The following EFNA5 variants were observed in gnomAD, a reference collection of about 807,000 sequenced individuals.
EFNA5 encodes the protein ephrin-A5.
In EFNA5, 5 loss-of-function variants were observed where a neutral mutation model predicts 22.9. That is an observed-to-expected ratio of 0.22 (90% CI 0.11 to 0.46). EFNA5 has a LOEUF of 0.46. EFNA5 is among the 20% of genes least tolerant of loss of function. The probability of loss-of-function intolerance (pLI) is 0.99; values close to 1 mark genes in which losing one functional copy is unlikely to be tolerated. For synonymous variants in EFNA5, 113 were observed against 112.2 expected, an observed-to-expected ratio of 1.01 and a Z score of -0.04; for missense variants, 237 against 293.3, an observed-to-expected ratio of 0.81 and a Z score of 1.40.
intron 1 of EFNA5, among the ~76,000 whole-genome samples, chr5:107,525,459 T>TA (rs1747675709): frequency 6.6e-6 from 1 of 152,196 alleles, no homozygotes; most frequent in African/African-American, 2.4e-5. Flanking sequence ...AATCCATGTA[T>TA]AACTTCTGAT....
intron 2 of EFNA5, among the ~76,000 whole-genome samples, chr5:107,420,044 A>C (rs546523450): frequency 1.3e-5 from 2 of 152,282 alleles, no homozygotes; most frequent in South Asian, 4.1e-4. Context: ...TATGTAAAAA[A>C]GGTGATTGGT....
intron 1 of EFNA5, among the ~76,000 whole-genome samples, chr5:107,486,344 G>A (rs910168815): frequency 2.6e-5 from 4 of 152,090 alleles, no homozygotes; most frequent in Non-Finnish European, 5.9e-5. Context: ...AACTTTAAAA[G>A]CTAAAAGATA....
chr5:107,549,051 G>T (rs1748230294), intron 1 of EFNA5, among the ~76,000 whole-genome samples: 2 of 152,076 alleles, frequency 1.3e-5, no homozygotes, highest in Admixed American at 1.3e-4. Flanking sequence ...TTACTTTGCA[G>T]GCTGGATATT....
intron 1 of EFNA5, among the ~76,000 whole-genome samples, chr5:107,527,234 A>T (rs537114351): frequency 6.6e-6 from 1 of 152,176 alleles, no homozygotes; most frequent in Admixed American, 6.5e-5. Flanking sequence ...TAGATGTATA[A>T]ATGGGTTATT....
At chr5:107,573,801 T>C (rs1202264306) in intron 1 of EFNA5, among the ~76,000 whole-genome samples, 39 of 152,170 alleles carry the variant, frequency 2.6e-4, no homozygotes, top group Admixed American at 2.6e-3. Flanking sequence ...GGAACAGTTT[T>C]AGAACGAACA....
rs148596902 is a variant in EFNA5, at chr5:107,553,248, C to T, written c.125+117241G>A. Among the ~76,000 whole-genome samples, 115 of 152,316 alleles carry T rather than the reference C, an allele frequency of 7.6e-4. 1 individual carries two copies. The East Asian group carries it at 0.016, about 22-fold the overall frequency. The stretch of plus-strand genomic sequence containing the variant: ...GCAGCGGCCATGACTAACAATGGGA[C>T]GAGCACTCACTGCCTGCTCTGCAAT... On this transcript the variant is annotated intron_variant, in intron 1 of 4. Transcript: ENST00000333274.
chr5:107,615,283 C>T (rs1272996776), intron 1 of EFNA5, among the ~76,000 whole-genome samples: 1 of 152,072 alleles, frequency 6.6e-6, no homozygotes, highest in African/African-American at 2.4e-5. Flanking sequence ...TTTATCATTT[C>T]GATATCCCCT....
At chr5:107,616,180 T>C (rs1225574121) in intron 1 of EFNA5, among the ~76,000 whole-genome samples, 1 of 152,244 alleles carries the variant, frequency 6.6e-6, no homozygotes, top group East Asian at 1.9e-4. Context: ...AAGCGAATTA[T>C]AAGATTTTAT....
intron 1 of EFNA5, among the ~76,000 whole-genome samples, chr5:107,594,814 C>G (rs1312981652): frequency 6.6e-6 from 1 of 152,130 alleles, no homozygotes; most frequent in East Asian, 1.9e-4. Flanking sequence ...ATTACAACAC[C>G]CAGGAATGAA....
At chr5:107,489,663 C>CA (rs566107709) in intron 1 of EFNA5, among the ~76,000 whole-genome samples, 3 of 146,148 alleles carry the variant, frequency 2.1e-5, no homozygotes, top group Non-Finnish European at 3.0e-5. Context: ...CCCACCTACC[C>CA]CCCCCACCAA....
chr5:107,532,829 T>G (rs2112453097), intron 1 of EFNA5, among the ~76,000 whole-genome samples: 1 of 152,292 alleles, frequency 6.6e-6, no homozygotes, highest in East Asian at 1.9e-4. Flanking sequence ...AACAACCTCA[T>G]AATTTTAAGT....
chr5:107,519,067 C>T (rs1320470325), intron 1 of EFNA5, among the ~76,000 whole-genome samples: 1 of 152,196 alleles, frequency 6.6e-6, no homozygotes, highest in Non-Finnish European at 1.5e-5. Flanking sequence ...AATGAATATG[C>T]TTTCAACCAA....
intron 1 of EFNA5, among the ~76,000 whole-genome samples, chr5:107,523,418 T>G (rs912860315): frequency 6.6e-6 from 1 of 152,182 alleles, no homozygotes; most frequent in African/African-American, 2.4e-5. Flanking sequence ...ACATACCACT[T>G]GCAAATGTGC....
At chr5:107,400,557 G>A (rs1222286883) in intron 2 of EFNA5, among the ~76,000 whole-genome samples, 1 of 152,166 alleles carries the variant, frequency 6.6e-6, no homozygotes, top group Non-Finnish European at 1.5e-5. Flanking sequence ...ACTTCCTGAT[G>A]AAGCTGTAAG....
chr5:107,466,650 G>T (rs1308463241), intron 1 of EFNA5, among the ~76,000 whole-genome samples: 1 of 152,182 alleles, frequency 6.6e-6, no homozygotes, highest in East Asian at 1.9e-4. Context: ...AATGAAGTCA[G>T]ATCTCCTGTT....
chr5:107,560,180 T>G (rs1748505260), intron 1 of EFNA5, among the ~76,000 whole-genome samples: 1 of 152,256 alleles, frequency 6.6e-6, no homozygotes, highest in Non-Finnish European at 1.5e-5. Context: ...GGCTAAAGAA[T>G]GAATTACTTT....
chr5:107,399,318 C>CGGAAAGGAAACGAAAGGAAAGGAAA (rs1748020656), intron 2 of EFNA5, among the ~76,000 whole-genome samples: 1 of 94,570 alleles, frequency 1.1e-5, no homozygotes, highest in Non-Finnish European at 2.1e-5. Context: ...AGGAAGGAAA[C>CGGAAAGGAAACGAAAGGAAAGGAAA]GGAAAGGAAA....
intron 1 of EFNA5, among the ~76,000 whole-genome samples, chr5:107,605,360 A>T (rs982293505): frequency 3.9e-5 from 6 of 152,182 alleles, no homozygotes; most frequent in African/African-American, 1.4e-4. Flanking sequence ...CAAGAGAATG[A>T]GGTAAACCTT....
intron 2 of EFNA5, among the ~76,000 whole-genome samples, chr5:107,415,687 A>G (rs1475405071): frequency 6.6e-6 from 1 of 152,262 alleles, no homozygotes; most frequent in Admixed American, 6.5e-5. Context: ...TTCAAATGTT[A>G]TAAATTCTCA....
Sources: allele counts gnomAD v4.1 joint callset (sites outside exome capture counted in the v4.1 genomes callset), GRCh38; gene constraint gnomAD v4.1.1; transcripts MANE v1.5; gene names NCBI Gene and HGNC (gene_info 2026-07-23, HGNC 2026-07-21).